Variants in ERC1 observed in about 807,000 individuals in gnomAD.
ERC1 encodes the protein RAB6 interacting protein 2.
In ERC1, 56 loss-of-function variants were observed where a neutral mutation model predicts 132.0. The ratio of observed to expected loss-of-function variants is 0.42; its 90% CI spans 0.34 to 0.53. ERC1 has a LOEUF of 0.53. Ranked by LOEUF, ERC1 falls within the 20% of genes least tolerant of loss-of-function variation. The pLI, the probability that ERC1 is intolerant of heterozygous loss-of-function variation, is 0.03. For missense variants in ERC1, 1,202 were observed against 1,349.9 expected (o/e 0.89, Z 1.72); for synonymous variants, 478 against 476.1 (o/e 1.00, Z -0.05).
chr12:996,249 C>CTTTTTTTTTTTTT (rs35403554), intron 1 of ERC1, among the ~76,000 whole-genome samples: 7 of 43,768 alleles, frequency 1.6e-4, no homozygotes, highest in Non-Finnish European at 2.6e-4. Context: ...CCATGCCTGG[C>CTTTTTTTTTTTTT]TTTTTTTTTT....
chr12:1,319,427 T>C (rs1000725008), intron 15 of ERC1, among the ~76,000 whole-genome samples: 3 of 152,230 alleles, frequency 2.0e-5, no homozygotes, highest in Admixed American at 6.5e-5. Flanking sequence ...ATGATTCAGT[T>C]TGAGTTTCTA....
At chr12:1,015,771 G>T (rs1005878926) in intron 1 of ERC1, among the ~76,000 whole-genome samples, 1 of 152,156 alleles carries the variant, frequency 6.6e-6, no homozygotes, top group East Asian at 1.9e-4. Flanking sequence ...CTTTAAACAT[G>T]TTGAAATACA....
intron 2 of ERC1, among the ~76,000 whole-genome samples, chr12:1,058,083 T>C (rs549633390): frequency 6.6e-6 from 1 of 152,292 alleles, no homozygotes; most frequent in East Asian, 1.9e-4. Flanking sequence ...TTCTGGATAT[T>C]AGTCCCTTCT....
intron 7 of ERC1, among the ~76,000 whole-genome samples, chr12:1,130,632 CTT>C (rs201618993): frequency 2.7e-5 from 4 of 147,118 alleles, no homozygotes; most frequent in Admixed American, 6.7e-5. Context: ...AACGTATAGT[CTT>C]TTTTTTTTTT....
chr12:1,033,738 T>C (rs2097860), intron 2 of ERC1, among the ~76,000 whole-genome samples: 145,547 of 152,018 alleles, frequency 0.96, 69,971 homozygotes, highest in East Asian at 1. Flanking sequence ...CAAGCGATTC[T>C]CCTGCCTCAG....
chr12:1,238,658 G>C (rs956874804), intron 13 of ERC1, among the ~76,000 whole-genome samples: 5 of 152,026 alleles, frequency 3.3e-5, no homozygotes, highest in African/African-American at 1.2e-4. Flanking sequence ...GATAAGGCAA[G>C]CCTCTCTTTA....
At chr12:1,364,823 A>G (rs570709816) in intron 15 of ERC1, among the ~76,000 whole-genome samples, 25 of 152,324 alleles carry the variant, frequency 1.6e-4, no homozygotes, top group African/African-American at 5.5e-4. Context: ...TACTTACACA[A>G]TATCTCTGAT....
intron 2 of ERC1, among the ~76,000 whole-genome samples, chr12:1,061,090 G>A (rs1173597635): frequency 1.3e-5 from 2 of 152,106 alleles, no homozygotes; most frequent in African/African-American, 4.8e-5. Context: ...CTATATCACT[G>A]CTTCTTCCTG....
rs866525656 is a variant in ERC1 at position 1,122,587 on chromosome 12, C to A, written c.1569+6554C>A. On this transcript the variant is annotated intron_variant, in intron 7 of 18. Coordinates refer to ENST00000360905, the MANE Select transcript of ERC1 (RefSeq NM_178040.4). ...TCTATCTGTGTCTCTATCTCTATCT[C>A]TATCTCTATCTGTGTCTCTATCTCT... Among the ~76,000 whole-genome samples the A allele has an allele frequency of 4.8e-3, 33 of 6,842 alleles. 1 individual carries two copies. The highest frequency in any genetic ancestry group is 0.026 in the South Asian group (3 of 116). The allele number at this position is 6,842 out of a possible 152,430, so 4.5% of individuals were successfully genotyped here. A position where few individuals can be genotyped will look rare whatever the true frequency, so the allele number is the denominator to read the frequency against.
At chr12:1,302,531 C>T (rs77898641) in intron 15 of ERC1, among the ~76,000 whole-genome samples, 2,812 of 152,198 alleles carry the variant, frequency 0.018, 35 homozygotes, top group South Asian at 0.045. Flanking sequence ...AATTCTAAAA[C>T]GTATGTATTC....
chr12:1,425,255 T>A (rs1254864969), intron 17 of ERC1, among the ~76,000 whole-genome samples: 1 of 152,224 alleles, frequency 6.6e-6, no homozygotes, highest in East Asian at 1.9e-4. Context: ...TGCTTGGTAG[T>A]TGGCAGTGAG....
chr12:1,024,181 G>A (rs1204581146), intron 1 of ERC1, among the ~76,000 whole-genome samples: 2 of 152,158 alleles, frequency 1.3e-5, no homozygotes, highest in Non-Finnish European at 2.9e-5. Flanking sequence ...AGGAGTTCGA[G>A]ACCAGACTGG....
rs1337247459 is a variant in ERC1 at position 1,368,878 on chromosome 12, GACTATGAATTGC to G, written c.2781-2954_2781-2943del. Among the ~76,000 whole-genome samples, 9 of 152,040 alleles carry G rather than the reference GACTATGAATTGC, an allele frequency of 5.9e-5. 1 individual carries two copies. Among genetic ancestry groups the G allele is most frequent in the African/African-American group, 9.7e-5 (4 of 41,406 alleles). ...TATAATCAAAACATTTTATTCTCTT[GACTATGAATTGC>G]CCTTCTTAGGCACCTATACATGTAG... On this transcript the variant is annotated intron_variant, in intron 15 of 18. Coordinates refer to ENST00000360905, the MANE Select transcript of ERC1 (RefSeq NM_178040.4).
In ERC1 at chr12:1,494,398, CAT is replaced by C. The variant is rs2094343913; in HGVS notation, c.*4170_*4171del. 4.3e-6 allele frequency: 1 copy of C among 232,156 alleles called. No individual in the cohort carries two copies. The highest frequency in any genetic ancestry group is 8.5e-6 in the Non-Finnish European group (1 of 117,364). 14.4% of individuals were successfully genotyped at this position (232,156 alleles called of 1,614,324 possible). Reference sequence around the variant, plus strand: ...TAGGGAAGAATTAGGCAAGAAAAGACATACATTACAGGGAAATCCTTCTGAAC... The same window carrying C: ...TAGGGAAGAATTAGGCAAGAAAAGACACATTACAGGGAAATCCTTCTGAAC... On this transcript the variant is annotated 3_prime_UTR_variant, in exon 19 of 19. Coordinates refer to ENST00000360905, the MANE Select transcript of ERC1 (RefSeq NM_178040.4).
intron 15 of ERC1, among the ~76,000 whole-genome samples, chr12:1,360,502 T>TA (rs1404727768): frequency 2.6e-5 from 4 of 152,234 alleles, no homozygotes; most frequent in Non-Finnish European, 4.4e-5. Flanking sequence ...AATATGCACT[T>TA]ACACTTCACT....
intron 15 of ERC1, among the ~76,000 whole-genome samples, chr12:1,358,666 A>G (rs557835495): frequency 1.3e-5 from 2 of 152,314 alleles, no homozygotes; most frequent in South Asian, 2.1e-4. Context: ...ATACCATGTA[A>G]TAAGCTATAC....
chr12:1,061,287 G>A (rs931427662), intron 2 of ERC1, among the ~76,000 whole-genome samples: 9 of 152,062 alleles, frequency 5.9e-5, no homozygotes, highest in African/African-American at 1.9e-4. Flanking sequence ...TGTGGATTTT[G>A]CTTATCTTTT....
At chr12:1,009,351 T>A (rs1964292866) in intron 1 of ERC1, among the ~76,000 whole-genome samples, 1 of 152,072 alleles carries the variant, frequency 6.6e-6, no homozygotes. Flanking sequence ...ATTTTTTGTA[T>A]TTTTAGTAGA....
intron 1 of ERC1, among the ~76,000 whole-genome samples, chr12:1,019,607 G>A (rs538295542): frequency 6.6e-6 from 1 of 152,242 alleles, no homozygotes; most frequent in Admixed American, 6.5e-5. Context: ...CTCCTGCAAG[G>A]GGGTCTTGAG....
Sources: gnomAD v4.1 joint callset for allele counts (sites outside exome capture counted in the v4.1 genomes callset) on GRCh38, gnomAD v4.1.1 for gene constraint, MANE v1.5 for transcripts, NCBI Gene and HGNC (gene_info 2026-07-23, HGNC 2026-07-21) for gene names.